Variants in CNTN5 observed in about 807,000 individuals in gnomAD.
CNTN5 encodes contactin-5.
A neutral mutation model predicts 129.1 loss-of-function variants in CNTN5; 77 were observed. The ratio of observed to expected loss-of-function variants is 0.60; its 90% CI spans 0.50 to 0.72. The LOEUF is 0.72. Among genes scored for constraint, CNTN5 ranks in the 30% least tolerant of loss-of-function variants. The pLI is 0.00. For synonymous variants in CNTN5, 509 were observed against 465.6 expected (o/e 1.09, Z -1.20); for missense variants, 1,478 against 1,328.8 (o/e 1.11, Z -1.75).
intron 2 of CNTN5, among the ~76,000 whole-genome samples, chr11:99,539,770 T>C (rs1948034111): frequency 6.6e-6 from 1 of 152,114 alleles, no homozygotes. Context: ...TTTGCAAAAG[T>C]ATTAAAAAGT....
At chr11:99,513,566 A>G (rs1946925530) in intron 2 of CNTN5, among the ~76,000 whole-genome samples, 1 of 152,136 alleles carries the variant, frequency 6.6e-6, no homozygotes, top group South Asian at 2.1e-4. Flanking sequence ...ACTAAGTTGA[A>G]GCCAATGCTC....
At chr11:99,978,370 G>T (rs1228787834) in intron 8 of CNTN5, among the ~76,000 whole-genome samples, 1 of 152,118 alleles carries the variant, frequency 6.6e-6, no homozygotes, top group Non-Finnish European at 1.5e-5. Context: ...TATATCTTAA[G>T]TGTGCCGTGT....
At chr11:100,149,998 C>T (rs1356653733) in intron 13 of CNTN5, among the ~76,000 whole-genome samples, 2 of 151,488 alleles carry the variant, frequency 1.3e-5, no homozygotes, top group Non-Finnish European at 2.9e-5. Flanking sequence ...TCCAAACAAA[C>T]TGTGATATTC....
intron 3 of CNTN5, among the ~76,000 whole-genome samples, chr11:99,595,165 C>T (rs1950087806): frequency 1.3e-5 from 2 of 151,964 alleles, no homozygotes; most frequent in African/African-American, 4.8e-5. Context: ...GTGACTATAG[C>T]AAAGAACAAT....
At chr11:100,027,198 T>G (rs917753972) in intron 9 of CNTN5, among the ~76,000 whole-genome samples, 2 of 152,222 alleles carry the variant, frequency 1.3e-5, no homozygotes, top group Non-Finnish European at 2.9e-5. Flanking sequence ...AGTTACATTT[T>G]CCTGATTCTT....
At chr11:99,639,027 C>T (rs1951668950) in intron 3 of CNTN5, among the ~76,000 whole-genome samples, 1 of 152,228 alleles carries the variant, frequency 6.6e-6, no homozygotes, top group Admixed American at 6.5e-5. Flanking sequence ...CCTGTCCCTG[C>T]AGCAAACTTT....
intron 2 of CNTN5, among the ~76,000 whole-genome samples, chr11:99,526,499 T>G (rs973425133): frequency 6.6e-6 from 1 of 152,236 alleles, no homozygotes; most frequent in African/African-American, 2.4e-5. Context: ...ATGCAGGGAT[T>G]TTTTTGTATT....
At chr11:100,219,129 C>T (rs7128108) in intron 15 of CNTN5, among the ~76,000 whole-genome samples, 8,231 of 152,226 alleles carry the variant, frequency 0.054, 653 homozygotes, top group African/African-American at 0.17. Flanking sequence ...ATCCATCTCT[C>T]CCCATGTCTC....
intron 3 of CNTN5, among the ~76,000 whole-genome samples, chr11:99,703,855 C>T (rs970922406): frequency 6.6e-6 from 1 of 150,742 alleles, no homozygotes; most frequent in Non-Finnish European, 1.5e-5. Context: ...GTTGAAATTT[C>T]GTTGCTAGAA....
intron 3 of CNTN5, among the ~76,000 whole-genome samples, chr11:99,795,209 T>G (rs1415915372): frequency 6.6e-6 from 1 of 152,254 alleles, no homozygotes; most frequent in African/African-American, 2.4e-5. Flanking sequence ...GTTTGATCAG[T>G]TCTGCTGTTA....
chr11:99,981,093 TATATATATATAC>T lies in CNTN5; in HGVS notation c.878-20939_878-20928del, dbSNP rs1330993343. ...AGCCAATAGGATATATATATATATA[TATATATATATAC>T]ACACACACACACATATATGAAAGAG... On this transcript the variant is annotated intron_variant, in intron 8 of 24. Transcript: ENST00000524871. Among the ~76,000 whole-genome samples the T allele has an allele frequency of 9.9e-5, 8 of 80,668 alleles. 1 individual carries two copies. The highest frequency in any genetic ancestry group is 4.2e-4 in the Admixed American group (3 of 7,130). 52.9% of individuals were successfully genotyped at this position (80,668 alleles called of 152,430 possible). A position where few individuals can be genotyped will look rare whatever the true frequency, so the allele number is the denominator to read the frequency against.
chr11:100,297,274 T>C (rs1009987517), intron 18 of CNTN5, among the ~76,000 whole-genome samples: 2 of 151,366 alleles, frequency 1.3e-5, no homozygotes, highest in Non-Finnish European at 3.0e-5. Flanking sequence ...AGCCCCGGGA[T>C]AACAAAAAAG....
chr11:99,372,159 C>T (rs371940620), intron 2 of CNTN5, among the ~76,000 whole-genome samples: 16 of 152,308 alleles, frequency 1.1e-4, no homozygotes, highest in African/African-American at 3.6e-4. Context: ...GTTTCACAAA[C>T]TTATGATACA....
chr11:99,196,503 G>A (rs564883246), intron 1 of CNTN5, among the ~76,000 whole-genome samples: 12 of 151,952 alleles, frequency 7.9e-5, no homozygotes, highest in African/African-American at 2.4e-4. Flanking sequence ...TCATTTTTCT[G>A]TAGGTAAGCT....
chr11:99,752,071 A>AAG (rs1944255728), intron 3 of CNTN5, among the ~76,000 whole-genome samples: 1 of 151,872 alleles, frequency 6.6e-6, no homozygotes, highest in Admixed American at 6.6e-5. Flanking sequence ...AGAAAAAAAA[A>AAG]AATCTGATCT....
At chr11:100,077,457 C>T (rs1262305167) in intron 13 of CNTN5, among the ~76,000 whole-genome samples, 1 of 151,974 alleles carries the variant, frequency 6.6e-6, no homozygotes, top group Non-Finnish European at 1.5e-5. Flanking sequence ...CAGCAAATGG[C>T]AGTTTCTGTA....
intron 1 of CNTN5, among the ~76,000 whole-genome samples, chr11:99,170,405 G>C (rs12805219): frequency 0.48 from 72,481 of 151,800 alleles, 18,073 homozygotes; most frequent in South Asian, 0.59. Context: ...TCTTGGCTTT[G>C]TAATTTGCAA....
chr11:99,648,170 A>T (rs1225301508), intron 3 of CNTN5, among the ~76,000 whole-genome samples: 1 of 151,980 alleles, frequency 6.6e-6, no homozygotes, highest in Non-Finnish European at 1.5e-5. Context: ...TTCTGCATCT[A>T]TTGAAATTAT....
chr11:99,999,322 G>T (rs943343759), intron 8 of CNTN5, among the ~76,000 whole-genome samples: 6 of 151,922 alleles, frequency 3.9e-5, no homozygotes, highest in East Asian at 1.9e-4. Flanking sequence ...AAAAAACAAA[G>T]AACCCCATCA....
Sources: allele counts gnomAD v4.1 joint callset (sites outside exome capture counted in the v4.1 genomes callset), GRCh38; gene constraint gnomAD v4.1.1; transcripts MANE v1.5; gene names NCBI Gene and HGNC (gene_info 2026-07-23, HGNC 2026-07-21).